The following SPTA1 variants were observed in gnomAD, a reference collection of about 807,000 sequenced individuals.
The protein encoded by SPTA1 is spectrin alpha chain, erythrocytic 1.
In SPTA1, 177 loss-of-function variants were observed where a neutral mutation model predicts 324.7. That is an observed-to-expected ratio of 0.55 (90% CI 0.48 to 0.62). The LOEUF is 0.62. Among genes scored for constraint, SPTA1 ranks in the 20% least tolerant of loss-of-function variants. The probability of loss-of-function intolerance (pLI) is 0.00; values close to 1 mark genes in which losing one functional copy is unlikely to be tolerated. For synonymous variants in SPTA1, 1,195 were observed against 1,041.3 expected, an observed-to-expected ratio of 1.15 and a Z score of -2.84; for missense variants, 3,162 against 2,883.6, an observed-to-expected ratio of 1.10 and a Z score of -2.21.
chr1:158,649,335 C>CA (rs1288349834), intron 25 of SPTA1, among the ~76,000 whole-genome samples: 1 of 152,180 alleles, frequency 6.6e-6, no homozygotes, highest in Non-Finnish European at 1.5e-5. Context: ...GGCTGGAGTG[C>CA]AATGGCTTGA....
At chr1:158,652,799 T>G in intron 22 of SPTA1, 146 bp from the exon 23 acceptor site, 43 of 921,180 alleles carry the variant, frequency 4.7e-5, no homozygotes, top group Non-Finnish European at 5.9e-5. Context: ...GAGGAGGAAA[T>G]AAACTTAGAA....
At chr1:158,654,876 C>T in intron 20 of SPTA1, 128 bp from the exon 21 acceptor site, 1 of 1,260,402 alleles carries the variant, frequency 7.9e-7, no homozygotes, top group Non-Finnish European at 1.1e-6. Flanking sequence ...TCTTACGTGG[C>T]TGCAGAGATT....
chr1:158,641,209 G>C (rs1651542815), intron 33 of SPTA1, among the ~76,000 whole-genome samples: 1 of 152,018 alleles, frequency 6.6e-6, no homozygotes, highest in Non-Finnish European at 1.5e-5. Flanking sequence ...AAAAACCCTA[G>C]AAGAAAACCT....
At chr1:158,645,780 A>G (rs534088145) in intron 27 of SPTA1, among the ~76,000 whole-genome samples, 186 bp from the exon 28 acceptor site, 18 of 152,288 alleles carry the variant, frequency 1.2e-4, no homozygotes, top group Non-Finnish European at 1.9e-4. Flanking sequence ...AATCCCTTGT[A>G]TTTGAAAGCC....
At chr1:158,660,543 A>C (rs982637240) in intron 18 of SPTA1, among the ~76,000 whole-genome samples, 7 of 152,242 alleles carry the variant, frequency 4.6e-5, no homozygotes, top group African/African-American at 1.7e-4. Flanking sequence ...ATAGAACTGA[A>C]AAGAGAAGAA....
intron 42 of SPTA1, among the ~76,000 whole-genome samples, chr1:158,623,645 T>G (rs969136308): frequency 6.6e-6 from 1 of 152,170 alleles, no homozygotes; most frequent in African/African-American, 2.4e-5. Flanking sequence ...TGAAGAAGGA[T>G]GTGTTTGTTT....
chr1:158,645,779 T>C (rs1252671252), intron 27 of SPTA1, among the ~76,000 whole-genome samples, 185 bp from the exon 28 acceptor site: 3 of 152,256 alleles, frequency 2.0e-5, no homozygotes, highest in Non-Finnish European at 4.4e-5. Context: ...CAATCCCTTG[T>C]ATTTGAAAGC....
chr1:158,611,750 G>A, intron 51 of SPTA1: 1 of 249,724 alleles, frequency 4.0e-6, no homozygotes, highest in Admixed American at 5.2e-5. Context: ...TGTTTTATGA[G>A]TAAGGTAAAA....
rs1188117222 is a variant in SPTA1, at chr1:158,645,530, A to G, written c.3961T>C (p.Leu1321=). ...MVSSQELAED[L]TGIEILLERH... ...TCCAGCAAGATCTCTATGCCAGTTA[A>G]GTCTTCGGCCAGCTCCTGTGATGAT... is the stretch of plus-strand genomic sequence containing the variant. Residue 1321 remains leucine, a synonymous_variant, in exon 28 of 52, where the codon TTA becomes CTA. Transcript: ENST00000643759. The G allele has an allele frequency of 1.2e-6, 2 of 1,614,026 alleles. No individual in the cohort carries two copies. Among genetic ancestry groups the G allele is most frequent in the Non-Finnish European group, 1.7e-6 (2 of 1,179,950 alleles).
rs946548565 is a variant in SPTA1, at chr1:158,636,746, T to G, written c.5205A>C (p.Arg1735=). Residue 1735 remains arginine (R), a synonymous_variant, in exon 37 of 52, where the codon CGA becomes CGC. Transcript: ENST00000643759. ...CTCTCCCATAGTCCTGGGAGCTCAC[T>G]CGTATCAACTTCTCCCTAAAATCAA... ...EESWIEEKLI[R]VSSQDYGRDL... is the part of the protein sequence containing the mutation. 18 of 1,613,976 alleles carry G rather than the reference T, an allele frequency of 1.1e-5. No individual in the cohort carries two copies. The highest frequency in any genetic ancestry group is 1.4e-5 in the Non-Finnish European group (17 of 1,179,996).
At chr1:158,614,962 A>C (rs753523843) in intron 48 of SPTA1, 18 of 465,550 alleles carry the variant, frequency 3.9e-5, no homozygotes, top group Non-Finnish European at 6.5e-5. Context: ...AACTCTGAGA[A>C]ATTGGGTATA....
At chr1:158,622,819 C>T in intron 43 of SPTA1, 164 bp downstream of exon 43, 1 of 700,330 alleles carries the variant, frequency 1.4e-6, no homozygotes, top group Non-Finnish European at 2.4e-6. Flanking sequence ...TTTAAAGCTT[C>T]TTTTCAATCT....
chr1:158,660,215 A>C (rs1332695), intron 18 of SPTA1, among the ~76,000 whole-genome samples: 13,359 of 152,232 alleles, frequency 0.088, 1,942 homozygotes, highest in African/African-American at 0.3. Context: ...TAAATATCAC[A>C]ATTAAAAAAG....
chr1:158,669,648 A>G, intron 13 of SPTA1, 61 bp downstream of exon 13: 1 of 1,613,990 alleles, frequency 6.2e-7, no homozygotes, highest in Non-Finnish European at 8.5e-7. Flanking sequence ...CACCATGCCC[A>G]CCAAAACTCT....
Position 158,672,072 on chromosome 1 carries a change from A to C in SPTA1, c.1475T>G (p.Met492Arg). Residue 492 changes from methionine to arginine, a missense_variant, in exon 11 of 52, where the codon ATG becomes AGG. Met to Arg is a moderately conservative substitution (Grantham distance 91). Transcript: ENST00000643759. The part of the protein sequence containing the change: ...YRDSEQVDSW[M>R]SRQEAFLENE... ...CCCTCCCGTTACCTCTTGTCTACTC[A>C]TCCAACTGTCCACTTGCTCACTGTC... The C allele has an allele frequency of 1.9e-6, 3 of 1,614,022 alleles. No homozygotes were observed. The highest frequency in any genetic ancestry group is 2.5e-6 in the Non-Finnish European group (3 of 1,179,942).
At chr1:158,663,645 G>C (rs1477222142) in intron 16 of SPTA1, among the ~76,000 whole-genome samples, 2 of 152,150 alleles carry the variant, frequency 1.3e-5, no homozygotes, top group African/African-American at 2.4e-5. Flanking sequence ...GGCAGACACA[G>C]TACCCAGGAT....
Position 158,645,213 on chromosome 1 carries a change from A to T in SPTA1, c.4169T>A (p.Ile1390Asn), listed in dbSNP as rs775107867. 3 of 1,613,744 alleles carry T rather than the reference A, an allele frequency of 1.9e-6. No homozygotes were observed. The highest frequency in any genetic ancestry group is 2.7e-5 in the African/African-American group (2 of 74,896). The change falls in exon 29 of 52, where the codon ATC becomes AAC. Residue 1390 changes from isoleucine to asparagine, a missense_variant. Ile to Asn is a moderately radical substitution (Grantham distance 149). Transcript: ENST00000643759. ...CTGCAACTCCAGGCACTGGTCTAGG[A>T]TCTTCTTGCGTTTTTCCCAAGCCTT... ...LEKAWEKRKK[I>N]LDQCLELQMF...
At chr1:158,629,183 A>ATC (rs773690336) in intron 39 of SPTA1, among the ~76,000 whole-genome samples, 12,358 of 90,284 alleles carry the variant, frequency 0.14, 595 homozygotes, top group Non-Finnish European at 0.16. Context: ...GAGACAAAAT[A>ATC]TATCTCTATC....
At chr1:158,683,265 TCCTGGGTATAAG>T in intron 3 of SPTA1, 94 bp downstream of exon 3, 1 of 1,528,790 alleles carries the variant, frequency 6.5e-7, no homozygotes, top group Middle Eastern at 1.7e-4. Flanking sequence ...GAGGCAGGAG[TCCTGGGTATAAG>T]CCAGCCACTC....
Sources: allele counts gnomAD v4.1 joint callset (sites outside exome capture counted in the v4.1 genomes callset), GRCh38; gene constraint gnomAD v4.1.1; transcripts MANE v1.5; gene names NCBI Gene and HGNC (gene_info 2026-07-23, HGNC 2026-07-21).